PTPN2: variants seen among roughly 807,000 people sequenced by gnomAD.
PTPN2 encodes tyrosine-protein phosphatase non-receptor type 2.
PTPN2 carries 19 observed loss-of-function variants against 57.3 expected under a neutral mutation model. The observed-to-expected ratio is 0.33, with a 90% CI of 0.23 to 0.49. The LOEUF is 0.49. Ranked by LOEUF, PTPN2 falls within the 20% of genes least tolerant of loss-of-function variation. PTPN2 has a pLI of 0.99. For synonymous variants in PTPN2, 153 were observed against 164.9 expected (o/e 0.93, Z 0.55); for missense variants, 358 against 501.1 (o/e 0.71, Z 2.73).
intron 8 of PTPN2, among the ~76,000 whole-genome samples, chr18:12,794,973 A>G (rs565107109): frequency 6.6e-6 from 1 of 152,300 alleles, no homozygotes; most frequent in South Asian, 2.1e-4. Flanking sequence ...CTTGACAACC[A>G]TTCCTGGTAC....
intron 8 of PTPN2, among the ~76,000 whole-genome samples, chr18:12,796,838 C>T (rs1475927863): frequency 2.6e-5 from 4 of 152,150 alleles, no homozygotes; most frequent in East Asian, 1.9e-4. Flanking sequence ...TCTATTCTTA[C>T]GGCATTTAAT....
At chr18:12,857,138 C>G (rs1385683013) in intron 2 of PTPN2, among the ~76,000 whole-genome samples, 2 of 151,120 alleles carry the variant, frequency 1.3e-5, no homozygotes, top group Admixed American at 1.3e-4. Context: ...TGTAGTGCAT[C>G]CAATAATTGC....
chr18:12,874,071 G>A (rs1568174370), intron 1 of PTPN2, among the ~76,000 whole-genome samples: 1 of 152,030 alleles, frequency 6.6e-6, no homozygotes. Flanking sequence ...CGTCTGAGAA[G>A]TGAGGAGCCC....
intron 8 of PTPN2, among the ~76,000 whole-genome samples, chr18:12,797,729 C>A (rs2041246625): frequency 6.6e-6 from 1 of 152,118 alleles, no homozygotes; most frequent in Admixed American, 6.5e-5. Context: ...TATATTTATG[C>A]AATTTAGGAT....
chr18:12,815,735 AC>A (rs1455015620), intron 6 of PTPN2, among the ~76,000 whole-genome samples: 1 of 152,236 alleles, frequency 6.6e-6, no homozygotes, highest in Non-Finnish European at 1.5e-5. Flanking sequence ...TTAAGACTCA[AC>A]CGTTCCCAAT....
intron 1 of PTPN2, among the ~76,000 whole-genome samples, chr18:12,874,618 C>T (rs1216586283): frequency 1.4e-5 from 2 of 138,072 alleles, no homozygotes; most frequent in Non-Finnish European, 3.1e-5. Context: ...CCAGCCGCCC[C>T]GTCCGGGAGG....
chr18:12,817,401 A>T (rs749451279), intron 5 of PTPN2, 36 bp from the exon 6 acceptor site: 4 of 1,536,570 alleles, frequency 2.6e-6, no homozygotes, highest in Non-Finnish European at 3.6e-6. Flanking sequence ...GTTAGTTCTA[A>T]CTTTTTTCTT....
rs983631190 is a variant in PTPN2 at position 12,835,066 on chromosome 18, C to T, written c.261+1725G>A. The stretch of plus-strand genomic sequence containing the variant: ...TCCCATGAATACCGTATTTCCGACC[C>T]GTTTTTGGTTGAAAAAAATTTGCCT... On this transcript the variant is annotated intron_variant, in intron 3 of 8. Coordinates refer to ENST00000309660, the MANE Select transcript of PTPN2 (RefSeq NM_002828.4). Among the ~76,000 whole-genome samples, 7 of 151,962 alleles carry T rather than the reference C, an allele frequency of 4.6e-5. No individual in the cohort carries two copies. In the South Asian group the frequency reaches 6.2e-4, roughly 14 times the overall value.
chr18:12,855,728 C>T (rs1002879176), intron 2 of PTPN2, among the ~76,000 whole-genome samples: 1 of 152,116 alleles, frequency 6.6e-6, no homozygotes, highest in Non-Finnish European at 1.5e-5. Context: ...CCACCCAAGG[C>T]ACACGCTCAT....
chr18:12,883,251 T>C (rs1441997529), intron 1 of PTPN2, among the ~76,000 whole-genome samples: 6 of 152,060 alleles, frequency 3.9e-5, no homozygotes, highest in Non-Finnish European at 7.4e-5. Context: ...GTAGGGAAAG[T>C]ATACCTCAGT....
At chr18:12,870,592 T>C (rs1293723048) in intron 1 of PTPN2, among the ~76,000 whole-genome samples, 1 of 135,388 alleles carries the variant, frequency 7.4e-6, no homozygotes, top group Non-Finnish European at 1.5e-5. Context: ...TACTGCAAGC[T>C]CCACCTCCCA....
At chr18:12,873,425 G>T (rs1415041359) in intron 1 of PTPN2, among the ~76,000 whole-genome samples, 3 of 152,214 alleles carry the variant, frequency 2.0e-5, no homozygotes, top group African/African-American at 7.2e-5. Flanking sequence ...GTGCCTGCGA[G>T]TGCAGGTGCG....
chr18:12,829,920 A>C (rs1029140154), intron 4 of PTPN2, among the ~76,000 whole-genome samples: 5 of 152,196 alleles, frequency 3.3e-5, no homozygotes, highest in Admixed American at 2.6e-4. Flanking sequence ...AATCTTCCCC[A>C]AAATAATTAA....
chr18:12,801,185 C>G (rs1195413303), intron 8 of PTPN2, among the ~76,000 whole-genome samples: 2 of 152,176 alleles, frequency 1.3e-5, no homozygotes, highest in Non-Finnish European at 2.9e-5. Flanking sequence ...CCTTTGTCAT[C>G]ATATACTAAA....
intron 1 of PTPN2, among the ~76,000 whole-genome samples, chr18:12,872,716 G>A (rs2044312605): frequency 1.3e-5 from 2 of 152,166 alleles, no homozygotes; most frequent in Admixed American, 1.3e-4. Flanking sequence ...TCATAAACAT[G>A]TTTCATCTTA....
intron 5 of PTPN2, among the ~76,000 whole-genome samples, chr18:12,821,977 G>A (rs983535298): frequency 3.3e-5 from 5 of 152,184 alleles, no homozygotes; most frequent in Middle Eastern, 3.4e-3. Flanking sequence ...CAACCCCTTC[G>A]AAGTTAAAAA....
At chr18:12,861,652 A>G (rs566916227) in intron 1 of PTPN2, among the ~76,000 whole-genome samples, 1 of 152,322 alleles carries the variant, frequency 6.6e-6, no homozygotes, top group East Asian at 1.9e-4. Flanking sequence ...CGCTACTGTA[A>G]ATGGGATTAA....
rs543142817 is a variant in PTPN2, at chr18:12,874,090, G to A, written c.69+9983C>T. Among the ~76,000 whole-genome samples the A allele has an allele frequency of 3.0e-3, 459 of 152,022 alleles. 2 individuals are homozygous for A. Among genetic ancestry groups the A allele is most frequent in the African/African-American group, 0.01 (434 of 41,492 alleles). ...TGAGAAGTGAGGAGCCCCTCCGCCC[G>A]GCAGCCACCCTGTCTGGGAAGTGAG... On this transcript the variant is annotated intron_variant, in intron 1 of 8. Transcript: ENST00000309660.
chr18:12,856,454 G>A (rs1249945642), intron 2 of PTPN2, among the ~76,000 whole-genome samples: 2 of 152,124 alleles, frequency 1.3e-5, no homozygotes, highest in Admixed American at 6.5e-5. Flanking sequence ...ACATGCACTG[G>A]GGGCTGCTCC....
Sources: allele counts gnomAD v4.1 joint callset (sites outside exome capture counted in the v4.1 genomes callset), GRCh38; gene constraint gnomAD v4.1.1; transcripts MANE v1.5; gene names NCBI Gene and HGNC (gene_info 2026-07-23, HGNC 2026-07-21).